Variants in CYP19A1 observed in about 807,000 individuals in gnomAD.
The protein encoded by CYP19A1 is aromatase.
CYP19A1 carries 32 observed loss-of-function variants against 44.4 expected under a neutral mutation model. That is an observed-to-expected ratio of 0.72 (90% CI 0.54 to 0.97). The LOEUF (loss-of-function observed/expected upper bound fraction) is 0.97, where lower values mean the gene tolerates loss of function less well. CYP19A1 is among the 50% of genes least tolerant of loss of function. CYP19A1 has a pLI of 0.00. For missense variants in CYP19A1, 598 were observed against 637.8 expected (o/e 0.94, Z 0.67); for synonymous variants, 212 against 215.6 (o/e 0.98, Z 0.14).
Position 51,242,951 on chromosome 15 carries a change from C to CTG in CYP19A1, c.-38-3_-38-2dup. The stretch of plus-strand genomic sequence containing the variant: ...ACCTCAGAGGGGGCAATTTAGAGTC[C>CTG]TGTGGAAATCAAAGGGACAGAAAAA... On this transcript the variant is annotated splice_acceptor_variant, in intron 1 of 9. Coordinates refer to ENST00000396402, the MANE Select transcript of CYP19A1 (RefSeq NM_000103.4). LOFTEE classifies it low-confidence loss of function (5UTR_SPLICE). 6.7e-7 allele frequency: 1 copy of CTG among 1,503,356 alleles called. No individual in the cohort carries two copies. The highest frequency in any genetic ancestry group is 9.3e-7 in the Non-Finnish European group (1 of 1,079,076). The allele number at this position is 1,503,356 out of a possible 1,614,324, so 93.1% of individuals were successfully genotyped here.
chr15:51,306,102 C>T (rs1468817637), intron 1 of CYP19A1, among the ~76,000 whole-genome samples: 1 of 152,160 alleles, frequency 6.6e-6, no homozygotes, highest in Non-Finnish European at 1.5e-5. Flanking sequence ...ATCCCCCTGG[C>T]AGGGATTAAA....
At chr15:51,249,564 A>C (rs558691796) in intron 1 of CYP19A1, among the ~76,000 whole-genome samples, 1 of 152,326 alleles carries the variant, frequency 6.6e-6, no homozygotes, top group South Asian at 2.1e-4. Context: ...TTGTCTGAGC[A>C]GGGTACTACA....
At chr15:51,286,657 C>T (rs1381747246) in intron 1 of CYP19A1, among the ~76,000 whole-genome samples, 1 of 152,106 alleles carries the variant, frequency 6.6e-6, no homozygotes, top group African/African-American at 2.4e-5. Flanking sequence ...ACCATGAGTA[C>T]CCCCTTAAGA....
chr15:51,212,581 G>A lies in CYP19A1; in HGVS notation c.1022-20C>T. 7.1e-7 allele frequency: 1 copy of A among 1,400,586 alleles called. No homozygotes were observed. The allele number at this position is 1,400,586 out of a possible 1,614,324, so 86.8% of individuals were successfully genotyped here. On this transcript the variant is annotated intron_variant, in intron 8 of 9. Coordinates refer to ENST00000396402, the MANE Select transcript of CYP19A1 (RefSeq NM_000103.4). ...TCTCACCTGTGGAAACAGATAAAAG[G>A]AACAAAGAAGGTAATGTTAGTTTCC... is the stretch of plus-strand genomic sequence containing the variant.
At chr15:51,296,626 G>A (rs1218756827) in intron 1 of CYP19A1, among the ~76,000 whole-genome samples, 8 of 152,172 alleles carry the variant, frequency 5.3e-5, no homozygotes, top group Non-Finnish European at 1.2e-4. Context: ...TTTATGCTGA[G>A]ATTTATTCTC....
At chr15:51,235,944 A>G (rs1004743992) in intron 3 of CYP19A1, among the ~76,000 whole-genome samples, 4 of 152,360 alleles carry the variant, frequency 2.6e-5, no homozygotes, top group African/African-American at 9.6e-5. Context: ...AGCTGGCTGA[A>G]AGTCTAGGGA....
intron 1 of CYP19A1, among the ~76,000 whole-genome samples, chr15:51,305,317 T>G (rs1211009196): frequency 1.3e-5 from 2 of 152,160 alleles, no homozygotes; most frequent in Non-Finnish European, 2.9e-5. Context: ...GGCCTATGTC[T>G]TAGGCCTTGG....
chr15:51,234,795 C>T (rs925541139), intron 3 of CYP19A1, among the ~76,000 whole-genome samples: 2 of 152,164 alleles, frequency 1.3e-5, no homozygotes, highest in Non-Finnish European at 2.9e-5. Flanking sequence ...GTCCTACCCC[C>T]AGAGGTTCTG....
chr15:51,303,749 G>A (rs1366549812), intron 1 of CYP19A1, among the ~76,000 whole-genome samples: 2 of 152,190 alleles, frequency 1.3e-5, no homozygotes, highest in Non-Finnish European at 2.9e-5. Context: ...TAGATGGCAG[G>A]AGGCAGTGAG....
At chr15:51,286,243 T>C (rs72727199) in intron 1 of CYP19A1, among the ~76,000 whole-genome samples, 19,056 of 152,198 alleles carry the variant, frequency 0.13, 1,475 homozygotes, top group Admixed American at 0.21. Flanking sequence ...CTGGCTTCCT[T>C]CCTCACCCAA....
intron 3 of CYP19A1, among the ~76,000 whole-genome samples, chr15:51,233,375 A>G (rs547138325): frequency 1.5e-4 from 23 of 152,250 alleles, no homozygotes; most frequent in Non-Finnish European, 2.9e-4. Flanking sequence ...TTACTTGTTT[A>G]TTGTTGACCT....
At chr15:51,248,878 C>T (rs1399043566) in intron 1 of CYP19A1, among the ~76,000 whole-genome samples, 1 of 152,066 alleles carries the variant, frequency 6.6e-6, no homozygotes, top group Non-Finnish European at 1.5e-5. Context: ...TCACGTCAAT[C>T]CTCTGCTAAA....
At position 51,210,962 on chromosome 15, in the gene CYP19A1, G is replaced by A. The variant is rs141305220; in HGVS notation, c.1358C>T (p.Thr453Ile). The change falls in exon 10 of 10, where the codon ACA becomes ATA. Residue 453 changes from threonine to isoleucine, a missense_variant. Thr to Ile is a moderately conservative substitution (Grantham distance 89). Transcript: ENST00000396402. ...AMVMMKAILVTLLRRFHVKTL... is the reference protein window; with the variant it reads ...AMVMMKAILVILLRRFHVKTL... ...CTTCACGTGGAATCGTCTCAGAAGT[G>A]TAACGAGGATGGCTTTCATCATCAC... 8.9e-5 allele frequency: 143 copies of A among 1,607,734 alleles called. No individual in the cohort carries two copies. Among genetic ancestry groups the A allele is most frequent in the Admixed American group, 4.7e-4 (28 of 59,978 alleles).
At chr15:51,267,096 C>G (rs562499791) in intron 1 of CYP19A1, among the ~76,000 whole-genome samples, 1 of 152,298 alleles carries the variant, frequency 6.6e-6, no homozygotes, top group Non-Finnish European at 1.5e-5. Context: ...GCTGCCCTCC[C>G]GTTTCCTGCT....
At chr15:51,222,564 C>G in intron 4 of CYP19A1, 39 bp from the exon 5 acceptor site, 2 of 1,546,636 alleles carry the variant, frequency 1.3e-6, no homozygotes, top group African/African-American at 2.7e-5. Flanking sequence ...ATCACGAACT[C>G]CAGGGCACAC....
At chr15:51,309,202 A>G (rs1426827167) in intron 1 of CYP19A1, among the ~76,000 whole-genome samples, 2 of 152,218 alleles carry the variant, frequency 1.3e-5, no homozygotes, top group African/African-American at 4.8e-5. Context: ...AAGAGGTACC[A>G]GACGGCTTTT....
In CYP19A1 at chr15:51,266,123, C is replaced by T. The variant is rs1416826380; in HGVS notation, c.-38-23173G>A. Among the ~76,000 whole-genome samples, 3 of 152,236 alleles carry T rather than the reference C, an allele frequency of 2.0e-5. No homozygotes were observed. The East Asian group carries it at 5.8e-4, about 29-fold the overall frequency. ...AACTGAGGAAAGATTTTGCTCTCAC[C>T]TCACAAAAAGCTTCCAGATCCAATC... On this transcript the variant is annotated intron_variant, in intron 1 of 9. Transcript: ENST00000396402.
At chr15:51,306,664 G>A (rs1275249187) in intron 1 of CYP19A1, among the ~76,000 whole-genome samples, 1 of 152,186 alleles carries the variant, frequency 6.6e-6, no homozygotes, top group Non-Finnish European at 1.5e-5. Context: ...AGAATATTAA[G>A]TACCTATTCT....
intron 1 of CYP19A1, among the ~76,000 whole-genome samples, chr15:51,328,483 AT>A (rs1382645315): frequency 2.6e-5 from 4 of 152,076 alleles, no homozygotes; most frequent in African/African-American, 9.7e-5. Flanking sequence ...GCCTCCACAA[AT>A]TTCCAAAGAT....
Sources: allele counts gnomAD v4.1 joint callset (sites outside exome capture counted in the v4.1 genomes callset), GRCh38; gene constraint gnomAD v4.1.1; transcripts MANE v1.5; gene names NCBI Gene and HGNC (gene_info 2026-07-23, HGNC 2026-07-21).